Variants in DENND3 observed in about 807,000 individuals in gnomAD.
The protein encoded by DENND3 is DENN domain-containing protein 3.
In DENND3, 88 loss-of-function variants were observed where a neutral mutation model predicts 135.1. The observed-to-expected ratio is 0.65, with a 90% CI of 0.55 to 0.78. DENND3 has a LOEUF of 0.78. Among genes scored for constraint, DENND3 ranks in the 30% least tolerant of loss-of-function variants. The pLI is 0.00. For missense variants in DENND3, 1,392 were observed against 1,688.4 expected, an observed-to-expected ratio of 0.82 and a Z score of 3.08; for synonymous variants, 693 against 712.3, an observed-to-expected ratio of 0.97 and a Z score of 0.43.
chr8:141,147,838 G>A (rs999306935), intron 5 of DENND3, among the ~76,000 whole-genome samples: 6 of 152,230 alleles, frequency 3.9e-5, no homozygotes. Flanking sequence ...GGGCGAGCGT[G>A]TGCAGGGATG....
intron 19 of DENND3, among the ~76,000 whole-genome samples, chr8:141,189,644 C>T (rs1024216314): frequency 4.6e-5 from 7 of 152,178 alleles, no homozygotes; most frequent in African/African-American, 1.4e-4. Flanking sequence ...ACAAGGCTGC[C>T]CACTTGGTCC....
In DENND3 at chr8:141,139,958, A is replaced by T. The variant is rs1270117749; in HGVS notation, c.502-1245A>T. Among the ~76,000 whole-genome samples the T allele has an allele frequency of 1.3e-5, 2 of 149,886 alleles. No homozygotes were observed. Among genetic ancestry groups the T allele is most frequent in the Admixed American group, 6.7e-5 (1 of 15,024 alleles). On this transcript the variant is annotated intron_variant, in intron 3 of 22. Transcript: ENST00000519811. The surrounding 1 kb of genome is among the most constrained non-coding windows in gnomAD (Gnocchi z 4.2). Reference sequence around the variant, plus strand: ...AGTCTCGCTGTGTCACCCAGGCTTTAGTGCAGCGGTGTGATCACGGCTCAC... The same window carrying T: ...AGTCTCGCTGTGTCACCCAGGCTTTTGTGCAGCGGTGTGATCACGGCTCAC...
chr8:141,150,218 C>A, intron 5 of DENND3: 1 of 878,166 alleles, frequency 1.1e-6, no homozygotes, highest in South Asian at 1.6e-5. Flanking sequence ...CAGCCCATTT[C>A]CTGGCAGGCT....
chr8:141,133,021 C>A (rs900325083), intron 1 of DENND3, among the ~76,000 whole-genome samples: 8 of 152,192 alleles, frequency 5.3e-5, no homozygotes, highest in Non-Finnish European at 8.8e-5. Flanking sequence ...TGGTAAAATA[C>A]CACTGGGCAG....
At chr8:141,192,755 C>A (rs1473659931) in intron 22 of DENND3, 92 bp downstream of exon 22, 8 of 1,606,920 alleles carry the variant, frequency 5.0e-6, no homozygotes, top group Non-Finnish European at 6.8e-6. Context: ...GCCGCACGCC[C>A]TCGTGCCCTC....
chr8:141,152,461 G>C (rs1818901427), intron 7 of DENND3, among the ~76,000 whole-genome samples: 1 of 152,144 alleles, frequency 6.6e-6, no homozygotes. Context: ...TGGACCTCTC[G>C]TGGGAACAGA....
Position 141,131,516 on chromosome 8 carries a change from C to A in DENND3, c.102+2707C>A, listed in dbSNP as rs1816090172. 1.3e-5 allele frequency among the ~76,000 whole-genome samples: 2 copies of A among 152,188 alleles called. 1 individual carries two copies. Among genetic ancestry groups the A allele is most frequent in the Admixed American group, 1.3e-4 (2 of 15,282 alleles). On this transcript the variant is annotated intron_variant, in intron 1 of 22. Coordinates refer to ENST00000519811, the MANE Select transcript of DENND3 (RefSeq NM_001352890.3). ...CTCTTTGCACCGTGCAGTACAATAG[C>A]CACTGGCCACATGTGGTCACTGAGC...
At chr8:141,136,038 C>A (rs1035529761) in intron 1 of DENND3, among the ~76,000 whole-genome samples, 5 of 152,302 alleles carry the variant, frequency 3.3e-5, no homozygotes, top group South Asian at 2.1e-4. Flanking sequence ...CTGCCCCCAC[C>A]CAGGGAGGGC....
At position 141,138,044 on chromosome 8, in the gene DENND3, A is replaced by G. The variant is rs1816986012; in HGVS notation, c.408A>G (p.Glu136=). ...CFPGGVCVAT[E]PKEDCVHFLV... is the part of the protein sequence containing the mutation. ...CAGGGGGTGTGTGCGTGGCCACTGA[A>G]CCTAAGGAGGATTGCGTCCACTTCC... Residue 136 remains glutamate (E), a synonymous_variant, in exon 3 of 23, where the codon GAA becomes GAG. Transcript: ENST00000519811. This position sits in a 1 kb window ranked among gnomAD's most constrained non-coding sequence, Gnocchi z 4.8. 6.2e-7 allele frequency: 1 copy of G among 1,606,330 alleles called. No homozygotes were observed. The highest frequency in any genetic ancestry group is 2.2e-5 in the East Asian group (1 of 44,754).
At chr8:141,189,921 C>T (rs922783591) in intron 19 of DENND3, among the ~76,000 whole-genome samples, 4 of 152,124 alleles carry the variant, frequency 2.6e-5, no homozygotes, top group African/African-American at 2.4e-5. Context: ...GAACGGGGAC[C>T]GCTGACGAGG....
At chr8:141,190,975 C>A (rs1824663411) in intron 20 of DENND3, among the ~76,000 whole-genome samples, 2 of 152,258 alleles carry the variant, frequency 1.3e-5, no homozygotes, top group Non-Finnish European at 2.9e-5. Flanking sequence ...GTTGCCGGCA[C>A]TTTGAGGTCT....
chr8:141,133,253 C>T (rs981492305), intron 1 of DENND3, among the ~76,000 whole-genome samples: 1 of 152,074 alleles, frequency 6.6e-6, no homozygotes, highest in African/African-American at 2.4e-5. Context: ...TTTAGTTTTG[C>T]TTGGCTTTGG....
rs745389614 is a variant in DENND3, at chr8:141,175,368, T to G, written c.2444T>G (p.Val815Gly). 1 of 1,614,176 alleles carries G rather than the reference T, an allele frequency of 6.2e-7. No homozygotes were observed. Among genetic ancestry groups the G allele is most frequent in the Non-Finnish European group, 8.5e-7 (1 of 1,180,036 alleles). ...LSSSVKTNLG[V>G]GKIAMTQKRL... ...AGCTCCGTCAAGACAAACCTAGGCGTTGGCAAGATCGCCATGACCCAGAAG... is the reference window on the plus strand; with the variant it reads ...AGCTCCGTCAAGACAAACCTAGGCGGTGGCAAGATCGCCATGACCCAGAAG... Residue 815 changes from valine (V) to glycine (G), a missense_variant, in exon 14 of 23, where the codon GTT becomes GGT. Physicochemically the swap from Val to Gly is moderately radical, Grantham distance 109. Coordinates refer to ENST00000519811, the MANE Select transcript of DENND3 (RefSeq NM_001352890.3). The surrounding 1 kb of genome is among the most constrained non-coding windows in gnomAD (Gnocchi z 5.4).
At position 141,151,729 on chromosome 8, in the gene DENND3, G is replaced by A. The variant is rs1249457756; in HGVS notation, c.966G>A (p.Trp322Ter). 1 of 1,614,200 alleles carries A rather than the reference G, an allele frequency of 6.2e-7. No individual in the cohort carries two copies. The highest frequency in any genetic ancestry group is 8.5e-7 in the Non-Finnish European group (1 of 1,180,030). ...CFMAYLYPLQ[W>*]QHPFVPILSD... is the part of the protein sequence containing the mutation. ...TGGCCTACCTGTATCCGCTGCAGTG[G>A]CAGCACCCCTTCGTGCCCATCCTGT... Residue 322 changes from tryptophan to a stop codon, truncating the protein, a stop_gained, in exon 7 of 23, where the codon TGG (tryptophan) becomes TGA (stop). Transcript: ENST00000519811. LOFTEE classifies it high-confidence loss of function.
chr8:141,164,609 G>A (rs543724417), intron 10 of DENND3, among the ~76,000 whole-genome samples: 14 of 152,328 alleles, frequency 9.2e-5, no homozygotes, highest in African/African-American at 2.6e-4. Context: ...CTTCCCAGTC[G>A]TTCTTTGGTT....
chr8:141,160,806 C>T lies in DENND3; in HGVS notation c.1352+19C>T. ...TCTTCAGGTACGTGAGAGAACATTC[C>T]CAGTGTCCATGAGGAGGTAACCAGC... On this transcript the variant is annotated intron_variant, in intron 9 of 22. Transcript: ENST00000519811. 1.3e-6 allele frequency: 2 copies of T among 1,599,984 alleles called. No homozygotes were observed. The highest frequency in any genetic ancestry group is 2.2e-5 in the East Asian group (1 of 44,512).
intron 8 of DENND3, among the ~76,000 whole-genome samples, chr8:141,156,853 G>A (rs902531972): frequency 1.5e-4 from 22 of 147,246 alleles, no homozygotes; most frequent in African/African-American, 5.3e-4. Context: ...GTGCAGTGGC[G>A]CAATTTTGGC....
intron 1 of DENND3, among the ~76,000 whole-genome samples, chr8:141,135,733 A>T (rs142324375): frequency 2.8e-3 from 424 of 152,360 alleles, no homozygotes; most frequent in African/African-American, 9.8e-3. Flanking sequence ...GGGATGGCCC[A>T]TGTGCTTTGT....
intron 16 of DENND3, 22 bp from the exon 17 acceptor site, chr8:141,180,725 C>T (rs1224217973): frequency 6.2e-7 from 1 of 1,608,090 alleles, no homozygotes; most frequent in Admixed American, 1.7e-5. Context: ...AACAGTAACA[C>T]TCCAAGTGTC....
Sources: allele counts gnomAD v4.1 joint callset (sites outside exome capture counted in the v4.1 genomes callset), GRCh38; gene constraint gnomAD v4.1.1; non-coding constraint Gnocchi (gnomAD v3.1); transcripts MANE v1.5; gene names NCBI Gene and HGNC (gene_info 2026-07-23, HGNC 2026-07-21).